The following TIAM2 variants were observed in gnomAD, a reference collection of about 807,000 sequenced individuals.
TIAM2 encodes TIAM Rac1 associated GEF 2, also known as rho guanine nucleotide exchange factor TIAM2.
A neutral mutation model predicts 152.9 loss-of-function variants in TIAM2; 80 were observed. The ratio of observed to expected loss-of-function variants is 0.52; its 90% CI spans 0.44 to 0.63. TIAM2 has a LOEUF of 0.63. TIAM2 is among the 30% of genes least tolerant of loss of function. The pLI is 0.00. For missense variants in TIAM2, 1,965 were observed against 2,120.1 expected (o/e 0.93, Z 1.44); for synonymous variants, 804 against 838.0 (o/e 0.96, Z 0.70).
chr6:155,002,760 G>A (rs2498493), intron 1 of TIAM2, among the ~76,000 whole-genome samples: 35,235 of 151,566 alleles, frequency 0.23, 4,484 homozygotes, highest in East Asian at 0.38. Flanking sequence ...AGCTCACTGC[G>A]AACTCTGCCT....
intron 1 of TIAM2, among the ~76,000 whole-genome samples, chr6:155,044,810 A>T (rs2114911928): frequency 6.6e-6 from 1 of 150,388 alleles, no homozygotes; most frequent in South Asian, 2.1e-4. Context: ...CCTGGGCGAC[A>T]GAGCAAGACT....
Position 155,253,998 on chromosome 6 carries a change from A to G in TIAM2, c.4251A>G (p.Glu1417=), listed in dbSNP as rs1164916258. The change falls in exon 25 of 27, where the codon GAA becomes GAG. Residue 1417 remains glutamate, a synonymous_variant. Coordinates refer to ENST00000682666, the MANE Select transcript of TIAM2 (RefSeq NM_012454.4). ...GGACAGAAAATAATTCCATATGGGAACTGATCCATACGAAGTCAGAAATAG... is the reference window on the plus strand; with the variant it reads ...GGACAGAAAATAATTCCATATGGGAGCTGATCCATACGAAGTCAGAAATAG... ...PAGTENNSIW[E]LIHTKSEIEG... is the part of the protein sequence containing the mutation. The G allele has an allele frequency of 2.5e-6, 4 of 1,614,106 alleles. No individual in the cohort carries two copies. The highest frequency in any genetic ancestry group is 3.3e-5 in the Admixed American group (2 of 60,012).
At chr6:155,190,924 T>C (rs546961384) in intron 14 of TIAM2, among the ~76,000 whole-genome samples, 53 of 152,358 alleles carry the variant, frequency 3.5e-4, no homozygotes, top group African/African-American at 1.2e-3. Context: ...ATTTTTTTCC[T>C]CCTTCTTTTG....
At chr6:155,154,522 C>T (rs1780059426) in intron 7 of TIAM2, among the ~76,000 whole-genome samples, 1 of 152,178 alleles carries the variant, frequency 6.6e-6, no homozygotes, top group Non-Finnish European at 1.5e-5. Context: ...ATCCACACGC[C>T]AGATCGCCTT....
chr6:155,024,647 G>A (rs1776562034), intron 1 of TIAM2, among the ~76,000 whole-genome samples: 1 of 36,822 alleles, frequency 2.7e-5, no homozygotes, highest in African/African-American at 7.9e-5. Flanking sequence ...ATAAATCCAT[G>A]TCTTTAAAAA....
At chr6:155,134,767 G>A (rs1376865356) in intron 4 of TIAM2, among the ~76,000 whole-genome samples, 2 of 151,882 alleles carry the variant, frequency 1.3e-5, no homozygotes, top group East Asian at 1.9e-4. Context: ...GTGCAGTGGC[G>A]TGATCTCTAC....
chr6:155,245,502 G>C (rs906695704), intron 18 of TIAM2, 121 bp from the exon 19 acceptor site: 1 of 820,442 alleles, frequency 1.2e-6, no homozygotes, highest in South Asian at 1.7e-5. Flanking sequence ...GAGCAGGTTT[G>C]AACTTCTCCA....
At chr6:155,029,388 TATATATACTATAGTATATATA>T (rs1383200999) in intron 1 of TIAM2, among the ~76,000 whole-genome samples, 1 of 91,782 alleles carries the variant, frequency 1.1e-5, no homozygotes, top group African/African-American at 4.1e-5. Context: ...TACTATGTTA[TATATATACTATAGTATATATA>T]ATATATACTA....
At chr6:155,014,966 G>A (rs1778548386) in intron 1 of TIAM2, among the ~76,000 whole-genome samples, 1 of 152,128 alleles carries the variant, frequency 6.6e-6, no homozygotes, top group African/African-American at 2.4e-5. Context: ...AGCTGGTAAG[G>A]GCTTGAAAGT....
At chr6:155,063,925 A>G (rs1048494267) in intron 1 of TIAM2, among the ~76,000 whole-genome samples, 1 of 152,194 alleles carries the variant, frequency 6.6e-6, no homozygotes, top group Non-Finnish European at 1.5e-5. Context: ...ATTAAAAAAA[A>G]GAAGAAAGCA....
intron 2 of TIAM2, among the ~76,000 whole-genome samples, chr6:155,123,052 A>T (rs1186757430): frequency 6.6e-6 from 1 of 152,184 alleles, no homozygotes; most frequent in Non-Finnish European, 1.5e-5. Flanking sequence ...CTGAAGCATG[A>T]CAGAAAAATA....
intron 2 of TIAM2, among the ~76,000 whole-genome samples, chr6:155,107,635 G>C (rs1433639849): frequency 1.3e-5 from 2 of 152,186 alleles, no homozygotes; most frequent in African/African-American, 4.8e-5. Flanking sequence ...AGCTGAGTGG[G>C]CTATTTGGCT....
At chr6:155,146,884 G>A (rs911932252) in intron 6 of TIAM2, among the ~76,000 whole-genome samples, 3 of 151,426 alleles carry the variant, frequency 2.0e-5, no homozygotes, top group African/African-American at 7.3e-5. Flanking sequence ...CTTCCAAAGA[G>A]TGCTAGGATT....
At chr6:155,027,867 C>A (rs1480889084) in intron 1 of TIAM2, among the ~76,000 whole-genome samples, 1 of 86,404 alleles carries the variant, frequency 1.2e-5, no homozygotes, top group East Asian at 2.8e-4. Context: ...GTGTTATATA[C>A]TATATAATAT....
chr6:155,199,138 C>T (rs1246433549), intron 14 of TIAM2, among the ~76,000 whole-genome samples: 2 of 151,734 alleles, frequency 1.3e-5, no homozygotes, highest in Non-Finnish European at 2.9e-5. Context: ...GCAAATGGTG[C>T]GATCTCGGTT....
At chr6:155,048,522 C>T (rs374628787) in intron 1 of TIAM2, among the ~76,000 whole-genome samples, 17 of 151,804 alleles carry the variant, frequency 1.1e-4, no homozygotes, top group African/African-American at 3.9e-4. Flanking sequence ...CAAGTGTGGC[C>T]GTGGAAGGAA....
chr6:155,069,911 CTTTTTT>C (rs36093906), intron 1 of TIAM2, among the ~76,000 whole-genome samples: 16 of 125,656 alleles, frequency 1.3e-4, no homozygotes, highest in African/African-American at 3.8e-4. Flanking sequence ...CATTTCTTTT[CTTTTTT>C]TTTTTTTTTT....
intron 1 of TIAM2, among the ~76,000 whole-genome samples, chr6:155,062,586 C>CT (rs33968462): frequency 9.6e-5 from 14 of 146,042 alleles, no homozygotes; most frequent in South Asian, 6.4e-4. Context: ...TTTTTCTTTT[C>CT]TTTTTTTTTG....
At chr6:155,247,321 A>G (rs1278433996) in intron 19 of TIAM2, among the ~76,000 whole-genome samples, 1 of 151,978 alleles carries the variant, frequency 6.6e-6, no homozygotes, top group Non-Finnish European at 1.5e-5. Flanking sequence ...ACATTGCTTA[A>G]TGGCTTTTTT....
Sources: allele counts gnomAD v4.1 joint callset (sites outside exome capture counted in the v4.1 genomes callset), GRCh38; gene constraint gnomAD v4.1.1; transcripts MANE v1.5; gene names NCBI Gene and HGNC (gene_info 2026-07-23, HGNC 2026-07-21).